The following NRXN1 variants were observed in gnomAD, a reference collection of about 807,000 sequenced individuals.
The protein encoded by NRXN1 is neurexin 1, also known as neurexin-1.
NRXN1 carries 39 observed loss-of-function variants against 150.9 expected under a neutral mutation model. The observed-to-expected ratio is 0.26, with a 90% CI of 0.20 to 0.34. NRXN1 has a LOEUF of 0.34. Ranked by LOEUF, NRXN1 falls within the 10% of genes least tolerant of loss-of-function variation. NRXN1 has a pLI of 1.00. For synonymous variants in NRXN1, 924 were observed against 757.0 expected (o/e 1.22, Z -3.62); for missense variants, 1,815 against 1,949.9 (o/e 0.93, Z 1.30).
At chr2:50,509,154 A>G (rs1218167854) in intron 12 of NRXN1, among the ~76,000 whole-genome samples, 1 of 152,202 alleles carries the variant, frequency 6.6e-6, no homozygotes. Flanking sequence ...GGTAGAACCA[A>G]GTTTCATCCT....
intron 5 of NRXN1, among the ~76,000 whole-genome samples, chr2:50,848,931 C>T (rs767564780): frequency 3.3e-5 from 5 of 152,160 alleles, no homozygotes; most frequent in Non-Finnish European, 7.3e-5. Context: ...AACAGATTTG[C>T]CTTAACGAAA....
chr2:50,304,172 G>A (rs1401999236), intron 17 of NRXN1, among the ~76,000 whole-genome samples: 2 of 151,996 alleles, frequency 1.3e-5, no homozygotes, highest in Admixed American at 6.6e-5. Context: ...GTATTCTTTT[G>A]GTTATCTATT....
At chr2:50,528,368 T>C (rs916644822) in intron 12 of NRXN1, among the ~76,000 whole-genome samples, 2 of 152,160 alleles carry the variant, frequency 1.3e-5, no homozygotes, top group Non-Finnish European at 2.9e-5. Flanking sequence ...TAAATGTCTA[T>C]AAGGTGCTGG....
At chr2:50,784,833 C>T (rs1704854091) in intron 5 of NRXN1, among the ~76,000 whole-genome samples, 1 of 151,952 alleles carries the variant, frequency 6.6e-6, no homozygotes, top group Non-Finnish European at 1.5e-5. Flanking sequence ...CAGGAAGATC[C>T]ATAGTGGGGG....
chr2:50,985,608 G>A (rs1008614236), intron 2 of NRXN1, among the ~76,000 whole-genome samples: 23 of 151,360 alleles, frequency 1.5e-4, no homozygotes, highest in African/African-American at 1.5e-4. Flanking sequence ...CAATAATAAG[G>A]AAAAAAGGAT....
intron 5 of NRXN1, among the ~76,000 whole-genome samples, chr2:50,815,158 G>A (rs1028600081): frequency 4.0e-5 from 6 of 151,608 alleles, no homozygotes; most frequent in Non-Finnish European, 7.4e-5. Flanking sequence ...CATCTTTATT[G>A]AGTAATTATG....
chr2:50,740,379 T>C (rs1699285701), intron 5 of NRXN1, among the ~76,000 whole-genome samples: 1 of 152,150 alleles, frequency 6.6e-6, no homozygotes, highest in African/African-American at 2.4e-5. Flanking sequence ...TATATGAGGA[T>C]GCAATGAATG....
intron 19 of NRXN1, among the ~76,000 whole-genome samples, 161 bp from the exon 20 acceptor site, chr2:50,055,205 C>T (rs941600622): frequency 6.6e-6 from 1 of 152,126 alleles, no homozygotes; most frequent in African/African-American, 2.4e-5. Flanking sequence ...ACTTGTCATT[C>T]ATTCATTTAT....
intron 17 of NRXN1, among the ~76,000 whole-genome samples, chr2:50,342,694 G>T (rs1157007879): frequency 6.6e-6 from 1 of 152,202 alleles, no homozygotes; most frequent in Admixed American, 6.5e-5. Context: ...GAAGCAAAAC[G>T]CTGGACCATG....
chr2:50,949,348 T>C (rs1458187389), intron 2 of NRXN1, among the ~76,000 whole-genome samples: 1 of 152,074 alleles, frequency 6.6e-6, no homozygotes, highest in Non-Finnish European at 1.5e-5. Flanking sequence ...TTACCTTTCA[T>C]ATCAATTCTG....
Position 50,980,720 on chromosome 2 carries a change from C to T in NRXN1, c.772+46782G>A, listed in dbSNP as rs577096492. Among the ~76,000 whole-genome samples, 23 of 152,148 alleles carry T rather than the reference C, an allele frequency of 1.5e-4. No homozygotes were observed. The East Asian group carries it at 1.7e-3, about 12-fold the overall frequency. On this transcript the variant is annotated intron_variant, in intron 2 of 22. Coordinates refer to ENST00000401669, the MANE Select transcript of NRXN1 (RefSeq NM_001330078.2). ...AATGTAATTTGTTAAAATGCCACAA[C>T]GCTATTGAAAACCAAAGTTGCCATA...
rs1340310090 is a variant in NRXN1 at position 50,741,141 on chromosome 2, CATT to C, written c.833-117529_833-117527del. Among the ~76,000 whole-genome samples the C allele has an allele frequency of 3.9e-5, 6 of 152,226 alleles. No individual in the cohort carries two copies. The South Asian group carries it at 1.0e-3, about 26-fold the overall frequency. ...ATTAAAAAAAGATCAAAATTGTCCT[CATT>C]ATCTTATTTGGCTGTCTCTCCAAAA... On this transcript the variant is annotated intron_variant, in intron 5 of 22. Transcript: ENST00000401669.
At chr2:50,430,329 A>G (rs1374125259) in intron 17 of NRXN1, among the ~76,000 whole-genome samples, 1 of 148,092 alleles carries the variant, frequency 6.8e-6, no homozygotes, top group African/African-American at 2.5e-5. Flanking sequence ...ACTCCTGGGC[A>G]GGTAGAAAAA....
intron 8 of NRXN1, among the ~76,000 whole-genome samples, chr2:50,596,336 T>C (rs1675194764): frequency 6.6e-6 from 1 of 152,228 alleles, no homozygotes; most frequent in African/African-American, 2.4e-5. Context: ...AATAGTTGTC[T>C]ACATCATTCA....
At chr2:49,976,215 T>C (rs2152501872) in intron 21 of NRXN1, among the ~76,000 whole-genome samples, 1 of 150,472 alleles carries the variant, frequency 6.6e-6, no homozygotes, top group South Asian at 2.1e-4. Flanking sequence ...GTATTTTTAG[T>C]AGAGATGGGG....
At chr2:50,949,919 G>C (rs1691025365) in intron 2 of NRXN1, among the ~76,000 whole-genome samples, 1 of 152,122 alleles carries the variant, frequency 6.6e-6, no homozygotes, top group South Asian at 2.1e-4. Flanking sequence ...GTACAAGGAA[G>C]ATTTGGGGAA....
intron 17 of NRXN1, among the ~76,000 whole-genome samples, chr2:50,429,655 A>G (rs2084790049): frequency 3.3e-5 from 5 of 152,316 alleles, no homozygotes; most frequent in African/African-American, 7.2e-5. Context: ...GAAAAATAAT[A>G]TCTTTTTTTA....
chr2:51,027,381 C>T, intron 2 of NRXN1, 121 bp downstream of exon 2: 1 of 1,028,258 alleles, frequency 9.7e-7, no homozygotes, highest in Non-Finnish European at 1.3e-6. Flanking sequence ...CAAGGTCCTT[C>T]CCTCGAAGCG....
chr2:50,892,413 T>C (rs182723978), intron 5 of NRXN1, among the ~76,000 whole-genome samples: 199 of 152,278 alleles, frequency 1.3e-3, no homozygotes, highest in African/African-American at 4.5e-3. Flanking sequence ...AGGTTCTTTA[T>C]ATTATGTAGC....
Sources: gnomAD v4.1 joint callset for allele counts (sites outside exome capture counted in the v4.1 genomes callset) on GRCh38, gnomAD v4.1.1 for gene constraint, MANE v1.5 for transcripts, NCBI Gene and HGNC (gene_info 2026-07-23, HGNC 2026-07-21) for gene names.